Variants in PTPRD observed in about 807,000 individuals in gnomAD.
PTPRD encodes the protein protein tyrosine phosphatase receptor type D, also known as receptor-type tyrosine-protein phosphatase delta.
PTPRD carries 34 observed loss-of-function variants against 214.5 expected under a neutral mutation model. That is an observed-to-expected ratio of 0.16 (90% CI 0.12 to 0.21). PTPRD has a LOEUF of 0.21. PTPRD is among the 10% of genes least tolerant of loss of function. The pLI is 1.00. For synonymous variants in PTPRD, 1,128 were observed against 845.7 expected (o/e 1.33, Z -5.79); for missense variants, 2,545 against 2,398.7 (o/e 1.06, Z -1.27).
intron 5 of PTPRD, among the ~76,000 whole-genome samples, chr9:9,934,416 G>A (rs199913405): frequency 3.1e-5 from 4 of 128,090 alleles, no homozygotes; most frequent in Admixed American, 7.6e-5. Context: ...CCCACAGAAA[G>A]ACAAACTACC....
intron 3 of PTPRD, among the ~76,000 whole-genome samples, chr9:10,130,461 T>A (rs1267232834): frequency 1.3e-5 from 2 of 152,120 alleles, no homozygotes; most frequent in African/African-American, 4.8e-5. Flanking sequence ...CTATAGTTAT[T>A]GAAAATATTT....
intron 36 of PTPRD, among the ~76,000 whole-genome samples, chr9:8,396,459 G>A (rs1379942424): frequency 2.6e-5 from 4 of 151,736 alleles, no homozygotes; most frequent in Admixed American, 2.0e-4. Context: ...GTTTATCTAC[G>A]GCCTCAGAGT....
intron 11 of PTPRD, among the ~76,000 whole-genome samples, chr9:8,736,370 A>G (rs2090390906): frequency 1.3e-5 from 2 of 152,322 alleles, no homozygotes; most frequent in East Asian, 1.9e-4. Flanking sequence ...ACTGCAGAAA[A>G]TATCTGAAAA....
intron 45 of PTPRD, among the ~76,000 whole-genome samples, chr9:8,319,521 T>G (rs1340834043): frequency 3.3e-5 from 5 of 151,986 alleles, no homozygotes; most frequent in Admixed American, 1.3e-4. Flanking sequence ...ATTTATATAT[T>G]TATATTATAG....
chr9:9,388,863 G>A (rs1469492826), intron 9 of PTPRD, among the ~76,000 whole-genome samples: 2 of 151,978 alleles, frequency 1.3e-5, no homozygotes, highest in Admixed American at 6.6e-5. Flanking sequence ...TGAGTATAAG[G>A]GAATGCAATA....
At chr9:8,468,645 T>A (rs1423116658) in intron 31 of PTPRD, among the ~76,000 whole-genome samples, 1 of 151,938 alleles carries the variant, frequency 6.6e-6, no homozygotes, top group Non-Finnish European at 1.5e-5. Context: ...AGGCCACCAT[T>A]CTATTCAATG....
At chr9:10,438,006 T>TATATATATATATA in intron 2 of PTPRD, among the ~76,000 whole-genome samples, 1 of 117,570 alleles carries the variant, frequency 8.5e-6, no homozygotes, top group African/African-American at 5.2e-5. Context: ...TCCCTAAGTC[T>TATATATATATATA]ACATATATAT....
In PTPRD at chr9:8,849,269, G is replaced by A. The variant is rs547654227; in HGVS notation, c.-103-115323C>T. ...CAGTTCACTGCAAGCTCCGCCTCTCGGGTTCATGCCATTCTCCTGCCTCAG... is the reference window on the plus strand; with the variant it reads ...CAGTTCACTGCAAGCTCCGCCTCTCAGGTTCATGCCATTCTCCTGCCTCAG... On this transcript the variant is annotated intron_variant, in intron 11 of 45. Transcript: ENST00000381196. 2.3e-3 allele frequency among the ~76,000 whole-genome samples: 333 copies of A among 147,448 alleles called. 1 individual carries two copies. Among genetic ancestry groups the A allele is most frequent in the African/African-American group, 7.5e-3 (304 of 40,304 alleles).
intron 14 of PTPRD, among the ~76,000 whole-genome samples, chr9:8,617,117 C>T (rs1420313091): frequency 1.2e-4 from 18 of 152,026 alleles, no homozygotes; most frequent in Non-Finnish European, 2.5e-4. Flanking sequence ...AATATATTTT[C>T]ATTTGATATA....
chr9:8,839,756 GTATTGATAACA>G (rs2097522812), intron 11 of PTPRD, among the ~76,000 whole-genome samples: 1 of 152,152 alleles, frequency 6.6e-6, no homozygotes, highest in African/African-American at 2.4e-5. Flanking sequence ...TCAAAGCTTT[GTATTGATAACA>G]GTGGGAGAAA....
intron 10 of PTPRD, among the ~76,000 whole-genome samples, chr9:9,050,205 C>A (rs1348396408): frequency 6.6e-6 from 1 of 152,166 alleles, no homozygotes; most frequent in African/African-American, 2.4e-5. Context: ...TACTTTTTCC[C>A]TTTAACATTA....
intron 34 of PTPRD, among the ~76,000 whole-genome samples, chr9:8,447,981 T>C (rs73424276): frequency 1.3e-3 from 199 of 152,228 alleles, no homozygotes; most frequent in African/African-American, 4.6e-3. Context: ...CCTCTATACA[T>C]TGAGTTTGCT....
chr9:8,560,513 G>C (rs373623759), intron 14 of PTPRD, among the ~76,000 whole-genome samples: 24 of 151,178 alleles, frequency 1.6e-4, no homozygotes, highest in African/African-American at 4.6e-4. Context: ...TTCATATTAA[G>C]AGTAATCAAC....
chr9:10,107,170 G>C (rs76362371), intron 3 of PTPRD, among the ~76,000 whole-genome samples: 338 of 152,066 alleles, frequency 2.2e-3, no homozygotes, highest in Middle Eastern at 3.4e-3. Context: ...AAAAATGAAA[G>C]TGGACTTGGC....
chr9:8,509,085 G>C (rs12347522), intron 21 of PTPRD, among the ~76,000 whole-genome samples: 6,709 of 152,060 alleles, frequency 0.044, 509 homozygotes, highest in African/African-American at 0.15. Flanking sequence ...TCTGAACAGA[G>C]TATCACATTT....
At chr9:8,434,571 C>T (rs1270879363) in intron 35 of PTPRD, among the ~76,000 whole-genome samples, 1 of 152,070 alleles carries the variant, frequency 6.6e-6, no homozygotes, top group African/African-American at 2.4e-5. Context: ...AGTGAATTAA[C>T]GGCTTACTAA....
intron 11 of PTPRD, among the ~76,000 whole-genome samples, chr9:8,854,036 T>C (rs867795916): frequency 5.9e-5 from 9 of 152,180 alleles, no homozygotes; most frequent in African/African-American, 1.4e-4. Flanking sequence ...GATAATTATA[T>C]CTATATTTAG....
At chr9:10,208,844 A>G (rs910340840) in intron 3 of PTPRD, among the ~76,000 whole-genome samples, 3 of 152,214 alleles carry the variant, frequency 2.0e-5, no homozygotes, top group African/African-American at 7.2e-5. Context: ...CAGGTAGATG[A>G]CAAGGCACCG....
At chr9:9,180,199 A>G (rs1229220349) in intron 10 of PTPRD, among the ~76,000 whole-genome samples, 2 of 151,684 alleles carry the variant, frequency 1.3e-5, no homozygotes, top group Admixed American at 6.6e-5. Context: ...AACCAACCCA[A>G]ATGTCCAACA....
Sources: gnomAD v4.1 joint callset for allele counts (sites outside exome capture counted in the v4.1 genomes callset) on GRCh38, gnomAD v4.1.1 for gene constraint, MANE v1.5 for transcripts, NCBI Gene and HGNC (gene_info 2026-07-23, HGNC 2026-07-21) for gene names.